Variants in SPATA31E1 observed in about 807,000 individuals in gnomAD.
SPATA31E1 encodes the protein spermatogenesis-associated protein 31E1.
A neutral mutation model predicts 12.9 loss-of-function variants in SPATA31E1; 7 were observed. The ratio of observed to expected loss-of-function variants is 0.54; its 90% CI spans 0.31 to 1.02. The LOEUF is 1.02. Ranked by LOEUF, SPATA31E1 falls within the 50% of genes least tolerant of loss-of-function variation. The probability of loss-of-function intolerance (pLI) is 0.05; values close to 1 mark genes in which losing one functional copy is unlikely to be tolerated. For missense variants in SPATA31E1, 1,961 were observed against 1,799.8 expected (o/e 1.09, Z -1.62); for synonymous variants, 771 against 719.0 (o/e 1.07, Z -1.16).
rs776106873 is a variant in SPATA31E1 at position 87,884,935 on chromosome 9, G to C, written c.448G>C (p.Glu150Gln). 7 of 1,610,072 alleles carry C rather than the reference G, an allele frequency of 4.3e-6. No individual in the cohort carries two copies. The highest frequency in any genetic ancestry group is 5.1e-6 in the Non-Finnish European group (6 of 1,177,102). Residue 150 changes from glutamate to glutamine, a missense_variant, in exon 4 of 4, where the codon GAA becomes CAA. Physicochemically the swap from Glu to Gln is conservative, Grantham distance 29 (BLOSUM62 2). Coordinates refer to ENST00000325643, the MANE Select transcript of SPATA31E1 (RefSeq NM_178828.5). Reference sequence around the variant, plus strand: ...CAGCCACCTGAGGAAGCTCGCTGGCGAAGGCAGCTCCCACCTGCCCTTAGG... The same window carrying C: ...CAGCCACCTGAGGAAGCTCGCTGGCCAAGGCAGCTCCCACCTGCCCTTAGG... Reference protein sequence around the residue: ...LESHLRKLAGEGSSHLPLGGD... With the variant: ...LESHLRKLAGQGSSHLPLGGD...
In SPATA31E1 at chr9:87,888,349, C is replaced by T. The variant is rs752991842; in HGVS notation, c.3862C>T (p.Gln1288Ter). ...KGGTRWEDVL[Q>*]KGKPGADAFQ... is the part of the protein sequence containing the mutation. ...AGGCACACGGTGGGAAGATGTCCTG[C>T]AGAAAGGCAAGCCTGGGGCAGATGC... Residue 1288 changes from glutamine to a stop codon, truncating the protein, a stop_gained, in exon 4 of 4, where the codon CAG (glutamine) becomes TAG (stop). Coordinates refer to ENST00000325643, the MANE Select transcript of SPATA31E1 (RefSeq NM_178828.5). LOFTEE classifies it low-confidence loss of function (END_TRUNC). The T allele has an allele frequency of 1.9e-6, 3 of 1,614,186 alleles. No homozygotes were observed.
At chr9:87,884,773 C>T (rs1015210442) in intron 3 of SPATA31E1, 122 bp downstream of exon 3, 7 of 1,497,592 alleles carry the variant, frequency 4.7e-6, no homozygotes, top group African/African-American at 4.1e-5. Flanking sequence ...GGGACTGAAG[C>T]CCTGGGGCAG....
Position 87,888,380 on chromosome 9 carries a change from A to C in SPATA31E1, c.3893A>C (p.Gln1298Pro). 1.2e-6 allele frequency: 2 copies of C among 1,614,190 alleles called. No homozygotes were observed. Among genetic ancestry groups the C allele is most frequent in the Non-Finnish European group, 1.7e-6 (2 of 1,180,020 alleles). ...QKGKPGADAF[Q>P]SWGSGPPRQF... is the part of the protein sequence containing the mutation. ...GGCAAGCCTGGGGCAGATGCTTTCC[A>C]GAGCTGGGGGTCTGGCCCACCAAGG... Residue 1298 changes from glutamine to proline, a missense_variant, in exon 4 of 4, where the codon CAG becomes CCG. Gln to Pro is a moderately conservative substitution (Grantham distance 76, BLOSUM62 -1). Transcript: ENST00000325643.
In SPATA31E1 at chr9:87,887,538, G is replaced by C. The variant is rs778130971; in HGVS notation, c.3051G>C (p.Leu1017=). Residue 1017 remains leucine (L), a synonymous_variant, in exon 4 of 4, where the codon CTG becomes CTC. Coordinates refer to ENST00000325643, the MANE Select transcript of SPATA31E1 (RefSeq NM_178828.5). ...SPGDPCSSRA[L]QVLSIGSQWA... ...GAGACCCCTGTAGTAGCAGAGCCCT[G>C]CAAGTGCTCAGCATAGGGTCCCAGT... is the stretch of plus-strand genomic sequence containing the variant. 1.2e-6 allele frequency: 2 copies of C among 1,614,076 alleles called. No homozygotes were observed. Among genetic ancestry groups the C allele is most frequent in the South Asian group, 1.1e-5 (1 of 91,086 alleles).
Position 87,887,903 on chromosome 9 carries a change from C to G in SPATA31E1, c.3416C>G (p.Thr1139Ser). ...CCAGGCCGCCACATGGACATGCTCA[C>G]TGCCGCAGACAGGCTGCCCACTCAA... ...CLPGRHMDML[T>S]AADRLPTQAP... is the part of the protein sequence containing the mutation. The change falls in exon 4 of 4, where the codon ACT becomes AGT. Residue 1139 changes from threonine to serine, a missense_variant. By Grantham distance (58) the Thr-to-Ser change is moderately conservative. Coordinates refer to ENST00000325643, the MANE Select transcript of SPATA31E1 (RefSeq NM_178828.5). The G allele has an allele frequency of 6.2e-7, 1 of 1,613,894 alleles. No individual in the cohort carries two copies. The highest frequency in any genetic ancestry group is 2.2e-5 in the East Asian group (1 of 44,874).
At position 87,883,122 on chromosome 9, in the gene SPATA31E1, GCTC is replaced by G. The variant is rs1828198229; in HGVS notation, c.235_237del (p.Leu79del). 6.2e-7 allele frequency: 1 copy of G among 1,602,996 alleles called. No homozygotes were observed. The highest frequency in any genetic ancestry group is 8.5e-7 in the Non-Finnish European group (1 of 1,174,544). ...TCCTCACCAGTGTGTGTGGCCTAGT[GCTC>G]CTCTTCCTATTGCTCCTCTACGTCC... On this transcript the variant is annotated inframe_deletion, in exon 1 of 4. Coordinates refer to ENST00000325643, the MANE Select transcript of SPATA31E1 (RefSeq NM_178828.5).
Position 87,885,696 on chromosome 9 carries a change from A to G in SPATA31E1, c.1209A>G (p.Leu403=). The change falls in exon 4 of 4, where the codon CTA becomes CTG. Residue 403 remains leucine, a synonymous_variant. Coordinates refer to ENST00000325643, the MANE Select transcript of SPATA31E1 (RefSeq NM_178828.5). ...SLGKEWDITT[L]NPFWNVSTQP... is the part of the protein sequence containing the mutation. ...GGAAGGAGTGGGACATCACGACCCT[A>G]AATCCCTTCTGGAACGTGTCAACCC... The G allele has an allele frequency of 6.2e-7, 1 of 1,613,640 alleles. No homozygotes were observed. The highest frequency in any genetic ancestry group is 1.1e-5 in the South Asian group (1 of 91,070).
chr9:87,886,113 T>G lies in SPATA31E1; in HGVS notation c.1626T>G (p.Ile542Met), dbSNP rs760914040. Residue 542 changes from isoleucine to methionine, a missense_variant, in exon 4 of 4, where the codon ATT becomes ATG. Physicochemically the swap from Ile to Met is conservative, Grantham distance 10. Transcript: ENST00000325643. The part of the protein sequence containing the change: ...PSLGCSSPPQ[I>M]RGCGASYPTS... The stretch of plus-strand genomic sequence containing the variant: ...TGGGGTGCTCTTCTCCACCCCAGAT[T>G]AGGGGCTGTGGGGCATCTTACCCTA... The G allele has an allele frequency of 1.9e-6, 3 of 1,604,532 alleles. No individual in the cohort carries two copies. Among genetic ancestry groups the G allele is most frequent in the East Asian group, 2.2e-5 (1 of 44,710 alleles).
Position 87,882,891 on chromosome 9 carries a change from G to A in SPATA31E1, c.-1G>A, listed in dbSNP as rs201386756. The A allele has an allele frequency of 1.2e-5, 20 of 1,609,320 alleles. No individual in the cohort carries two copies. The highest frequency in any genetic ancestry group is 4.5e-5 in the East Asian group (2 of 44,800). On this transcript the variant is annotated 5_prime_UTR_variant, in exon 1 of 4. Transcript: ENST00000325643. ...GCCCAGAGCTCAGTTGCTTGAAGGC[G>A]ATGGGAAATCTCGTCATCCCTCTAG...
rs778300744 is a variant in SPATA31E1 at position 87,886,445 on chromosome 9, T to G, written c.1958T>G (p.Leu653Arg). 1.2e-6 allele frequency: 2 copies of G among 1,613,800 alleles called. No individual in the cohort carries two copies. The highest frequency in any genetic ancestry group is 2.7e-5 in the African/African-American group (2 of 74,876). ...AGCAGATTGCAGGCATCTGGGGACC[T>G]GCTACAGCCTGATGGGGAATTCCCA... Reference protein sequence around the residue: ...PPSRLQASGDLLQPDGEFPGR... With the variant: ...PPSRLQASGDRLQPDGEFPGR... The change falls in exon 4 of 4, where the codon CTG becomes CGG. Residue 653 changes from leucine to arginine, a missense_variant. Physicochemically the swap from Leu to Arg is moderately radical, Grantham distance 102. Coordinates refer to ENST00000325643, the MANE Select transcript of SPATA31E1 (RefSeq NM_178828.5).
rs769009264 is a variant in SPATA31E1, at chr9:87,888,722, C to T, written c.4235C>T (p.Pro1412Leu). The part of the protein sequence containing the change: ...WAPPPREPVS[P>L]AGPHHHRPRM... The stretch of plus-strand genomic sequence containing the variant: ...CCACCTCCCAGGGAGCCTGTGTCCC[C>T]AGCTGGTCCCCACCACCACAGGCCA... Residue 1412 changes from proline (P) to leucine (L), a missense_variant, in exon 4 of 4, where the codon CCA (proline) becomes CTA (leucine). By Grantham distance (98) the Pro-to-Leu change is moderately conservative. Transcript: ENST00000325643. The T allele has an allele frequency of 6.8e-6, 11 of 1,613,780 alleles. No individual in the cohort carries two copies. In the South Asian group the frequency reaches 1.2e-4, roughly 18 times the overall value.
intron 3 of SPATA31E1, 47 bp from the exon 4 acceptor site, chr9:87,884,866 G>C: frequency 6.4e-7 from 1 of 1,558,830 alleles, no homozygotes; most frequent in South Asian, 1.2e-5. Flanking sequence ...CCAGCTTCCC[G>C]GCCCCATCTA....
rs55722781 is a variant in SPATA31E1 at position 87,883,046 on chromosome 9, C to T, written c.155C>T (p.Pro52Leu). The T allele has an allele frequency of 4.0e-3, 6,511 of 1,613,526 alleles. 255 individuals are homozygous for T. The African/African-American group carries it at 0.076, about 19-fold the overall frequency. The change falls in exon 1 of 4, where the codon CCT (proline) becomes CTT (leucine). Residue 52 changes from proline (P) to leucine (L), a missense_variant. By Grantham distance (98) the Pro-to-Leu change is moderately conservative. Transcript: ENST00000325643. ...MEKMLFPLKS[P>L]SATWLSPSST... The stretch of plus-strand genomic sequence containing the variant: ...AAAATGCTCTTTCCTCTGAAGAGCC[C>T]TAGTGCCACATGGCTGAGCCCTAGC...
At chr9:87,884,170 T>A (rs1828219550) in intron 2 of SPATA31E1, 124 bp downstream of exon 2, 2 of 1,242,996 alleles carry the variant, frequency 1.6e-6, no homozygotes, top group East Asian at 5.1e-5. Context: ...TGCGGCCTCC[T>A]CAGATTCCCT....
In SPATA31E1 at chr9:87,885,414, GAGGGAGGC is replaced by G; in HGVS notation, c.928_935del (p.Arg310CysfsTer48). 3 of 1,613,868 alleles carry G rather than the reference GAGGGAGGC, an allele frequency of 1.9e-6. No homozygotes were observed. Among genetic ancestry groups the G allele is most frequent in the Non-Finnish European group, 2.5e-6 (3 of 1,179,978 alleles). On this transcript the variant is annotated frameshift_variant, in exon 4 of 4. Coordinates refer to ENST00000325643, the MANE Select transcript of SPATA31E1 (RefSeq NM_178828.5). LOFTEE classifies it low-confidence loss of function (END_TRUNC). ...ATCCCATCTGGGACCTCTATTGCTG[GAGGGAGGC>G]TGCCACCACCTGGGGCCTCTCCACC...
Position 87,886,430 on chromosome 9 carries a change from A to C in SPATA31E1, c.1943A>C (p.Gln648Pro). Residue 648 changes from glutamine to proline, a missense_variant, in exon 4 of 4, where the codon CAG becomes CCG. Coordinates refer to ENST00000325643, the MANE Select transcript of SPATA31E1 (RefSeq NM_178828.5). ...EQSCGPPSRL[Q>P]ASGDLLQPDG... ...TCCTGTGGCCCTCCCAGCAGATTGC[A>C]GGCATCTGGGGACCTGCTACAGCCT... 1 of 1,613,966 alleles carries C rather than the reference A, an allele frequency of 6.2e-7. No individual in the cohort carries two copies. The highest frequency in any genetic ancestry group is 8.5e-7 in the Non-Finnish European group (1 of 1,179,988).
Position 87,888,594 on chromosome 9 carries a change from C to T in SPATA31E1, c.4107C>T (p.Ser1369=), listed in dbSNP as rs1238221041. 6.2e-7 allele frequency: 1 copy of T among 1,614,032 alleles called. No individual in the cohort carries two copies. The highest frequency in any genetic ancestry group is 1.3e-5 in the African/African-American group (1 of 74,918). The change falls in exon 4 of 4, where the codon AGC becomes AGT. Residue 1369 remains serine, a synonymous_variant. Coordinates refer to ENST00000325643, the MANE Select transcript of SPATA31E1 (RefSeq NM_178828.5). Reference sequence around the variant, plus strand: ...GGGGTCACTGCCACCAAGAACGTAGCAGAGAGATGAGAGCTCTGGCCTGCA... The same window carrying T: ...GGGGTCACTGCCACCAAGAACGTAGTAGAGAGATGAGAGCTCTGGCCTGCA... ...CHRGHCHQER[S]REMRALACSP...
chr9:87,887,449 G>C lies in SPATA31E1; in HGVS notation c.2962G>C (p.Gly988Arg). 6.2e-7 allele frequency: 1 copy of C among 1,613,918 alleles called. No individual in the cohort carries two copies. Among genetic ancestry groups the C allele is most frequent in the Non-Finnish European group, 8.5e-7 (1 of 1,180,040 alleles). ...CGGGAAACCCAAACCCAGACTAGAG[G>C]GGAGTATGGGTTCAGAAATGGCTGG... ...ESGKPKPRLE[G>R]SMGSEMAGNE... is the part of the protein sequence containing the mutation. Residue 988 changes from glycine to arginine, a missense_variant, in exon 4 of 4, where the codon GGG (glycine) becomes CGG (arginine). Transcript: ENST00000325643.
rs1410193029 is a variant in SPATA31E1 at position 87,887,997 on chromosome 9, C to T, written c.3510C>T (p.Leu1170=). ...CAGCTTCCCAGGGGCCATGTGCCCT[C>T]CTATGGAAGGGAGGGGACAGTCCAG... The part of the protein sequence containing the change: ...NMTASQGPCA[L]LWKGGDSPGQ... Residue 1170 remains leucine (L), a synonymous_variant, in exon 4 of 4, where the codon CTC becomes CTT. Transcript: ENST00000325643. 2.5e-6 allele frequency: 4 copies of T among 1,613,652 alleles called. No individual in the cohort carries two copies. Among genetic ancestry groups the T allele is most frequent in the Middle Eastern group, 1.7e-4 (1 of 6,060 alleles).
Sources: gnomAD v4.1 joint callset for allele counts on GRCh38, gnomAD v4.1.1 for gene constraint, MANE v1.5 for transcripts, NCBI Gene and HGNC (gene_info 2026-07-23, HGNC 2026-07-21) for gene names.